The following CD59 variants were observed in gnomAD, a reference collection of about 807,000 sequenced individuals.
CD59 encodes CD59 molecule (CD59 blood group), also known as CD59 glycoprotein.
In CD59, 3 loss-of-function variants were observed where a neutral mutation model predicts 7.0. That is an observed-to-expected ratio of 0.43 (90% CI 0.19 to 1.10). The LOEUF is 1.10. Among genes scored for constraint, CD59 ranks in the 50% least tolerant of loss-of-function variants. The probability of loss-of-function intolerance (pLI) is 0.29; values close to 1 mark genes in which losing one functional copy is unlikely to be tolerated. For synonymous variants in CD59, 60 were observed against 62.0 expected, an observed-to-expected ratio of 0.97 and a Z score of 0.15; for missense variants, 143 against 151.0, an observed-to-expected ratio of 0.95 and a Z score of 0.28.
At chr11:33,733,836 T>A (rs1013825692) in intron 1 of CD59, among the ~76,000 whole-genome samples, 2 of 152,176 alleles carry the variant, frequency 1.3e-5, no homozygotes, top group Non-Finnish European at 2.9e-5. Context: ...TTCCACAAGA[T>A]TCACAGTTGC....
chr11:33,719,626 A>T (rs1487932907), intron 2 of CD59: 1 of 150,296 alleles, frequency 6.7e-6, no homozygotes, highest in Non-Finnish European at 1.5e-5. Flanking sequence ...TGTCTAAAAA[A>T]TAAATAAAAT....
In CD59 at chr11:33,703,050, A is replaced by C. The variant is rs1202073143; in HGVS notation, c.*7076T>G. ...ATTTTGCGTTATATTTTTTAAATGA[A>C]GCAATACAATCATTTTTTATGTATA... On this transcript the variant is annotated 3_prime_UTR_variant, in exon 4 of 4. Transcript: ENST00000642928. The C allele has an allele frequency of 1.3e-5, 2 of 152,352 alleles. No individual in the cohort carries two copies. The highest frequency in any genetic ancestry group is 2.9e-5 in the Non-Finnish European group (2 of 68,102). 9.4% of individuals were successfully genotyped at this position (152,352 alleles called of 1,614,324 possible). A position where few individuals can be genotyped will look rare whatever the true frequency, so the allele number is the denominator to read the frequency against.
chr11:33,720,217 G>A (rs1423495502), intron 2 of CD59, among the ~76,000 whole-genome samples: 1 of 152,196 alleles, frequency 6.6e-6, no homozygotes, highest in Non-Finnish European at 1.5e-5. Flanking sequence ...TCCCCACCTT[G>A]CAAGAGAAAA....
intron 1 of CD59, among the ~76,000 whole-genome samples, chr11:33,730,710 GTTC>G (rs1315785017): frequency 2.0e-5 from 3 of 151,956 alleles, no homozygotes; most frequent in Non-Finnish European, 1.5e-5. Context: ...ATCTCTTGCA[GTTC>G]TTGAGTATTT....
chr11:33,715,083 T>C (rs1409594372), intron 3 of CD59, among the ~76,000 whole-genome samples: 2 of 151,930 alleles, frequency 1.3e-5, no homozygotes, highest in Admixed American at 6.6e-5. Flanking sequence ...GGCTGTTTTA[T>C]AGTTAATTTT....
intron 3 of CD59, among the ~76,000 whole-genome samples, chr11:33,714,936 G>GTT (rs58642942): frequency 4.5e-5 from 6 of 131,922 alleles, no homozygotes; most frequent in Non-Finnish European, 4.9e-5. Flanking sequence ...TGCTGAGGCT[G>GTT]TTTTTTTTTT....
intron 1 of CD59, among the ~76,000 whole-genome samples, chr11:33,732,317 C>T (rs756501435): frequency 1.3e-5 from 2 of 152,238 alleles, no homozygotes; most frequent in African/African-American, 4.8e-5. Context: ...CAGCACCATC[C>T]CCCTAGTGCT....
chr11:33,716,470 G>C (rs1659569512), intron 3 of CD59, among the ~76,000 whole-genome samples: 1 of 152,140 alleles, frequency 6.6e-6, no homozygotes, highest in South Asian at 2.1e-4. Context: ...TAATCTCTTA[G>C]AAATCTAAGC....
intron 3 of CD59, 25 bp downstream of exon 3, chr11:33,717,345 G>T (rs748592607): frequency 6.8e-7 from 1 of 1,468,742 alleles, no homozygotes; most frequent in Non-Finnish European, 9.5e-7. Context: ...ATTACATTTA[G>T]GAGACAGACA....
chr11:33,729,681 T>TA (rs1361882479), intron 1 of CD59, among the ~76,000 whole-genome samples: 1 of 150,160 alleles, frequency 6.7e-6, no homozygotes, highest in Non-Finnish European at 1.5e-5. Context: ...AAAAAGAACT[T>TA]AAACCCCGTA....
In CD59 at chr11:33,736,355, CCCCAGCAGG is replaced by C. The variant is rs1451285401; in HGVS notation, c.-19+18_-19+26del. 6.6e-6 allele frequency: 1 copy of C among 152,550 alleles called. No homozygotes were observed. Among genetic ancestry groups the C allele is most frequent in the African/African-American group, 2.4e-5 (1 of 41,466 alleles). 9.4% of individuals were successfully genotyped at this position (152,550 alleles called of 1,614,324 possible). On this transcript the variant is annotated intron_variant, in intron 1 of 3. Transcript: ENST00000642928. The surrounding 1 kb of genome is among the most constrained non-coding windows in gnomAD (Gnocchi z 4.4). ...GCCACCTCGGCTCGGCTCACCCAAA[CCCCAGCAGG>C]CCTTCGGGCCTTCTTACCTGGCGGC...
chr11:33,729,200 T>C (rs1854342793), intron 1 of CD59, among the ~76,000 whole-genome samples: 1 of 152,232 alleles, frequency 6.6e-6, no homozygotes, highest in Non-Finnish European at 1.5e-5. Context: ...TAAAGACACA[T>C]GCACACGTAT....
At position 33,724,304 on chromosome 11, in the gene CD59, A is replaced by G. The variant is rs376375325; in HGVS notation, c.-18-1841T>C. Among the ~76,000 whole-genome samples the G allele has an allele frequency of 5.3e-5, 8 of 152,302 alleles. No individual in the cohort carries two copies. The South Asian group carries it at 1.4e-3, about 28-fold the overall frequency. On this transcript the variant is annotated intron_variant, in intron 1 of 3. Transcript: ENST00000642928. ...ACAACACACAGGGCCCCTGATGGGGAGCTGTTCTTTGAAGTACCTTAGAAA... is the reference window on the plus strand; with the variant it reads ...ACAACACACAGGGCCCCTGATGGGGGGCTGTTCTTTGAAGTACCTTAGAAA...
At position 33,721,814 on chromosome 11, in the gene CD59, C is replaced by T. The variant is rs190080163; in HGVS notation, c.67+565G>A. Among the ~76,000 whole-genome samples, 96 of 152,308 alleles carry T rather than the reference C, an allele frequency of 6.3e-4. 1 individual carries two copies. The highest frequency in any genetic ancestry group is 8.8e-4 in the Non-Finnish European group (60 of 68,034). ...CAAGTTATTAATTTTGGGGAGGCCT[C>T]AATCTTGTTGCTTGTAAAACAAGGA... On this transcript the variant is annotated intron_variant, in intron 2 of 3. Coordinates refer to ENST00000642928, the MANE Select transcript of CD59 (RefSeq NM_000611.6).
At chr11:33,715,209 T>C (rs987387367) in intron 3 of CD59, among the ~76,000 whole-genome samples, 18 of 152,202 alleles carry the variant, frequency 1.2e-4, no homozygotes, top group African/African-American at 4.3e-4. Flanking sequence ...AAATATCAAG[T>C]ATTATATATT....
At chr11:33,711,390 A>G (rs1853552087) in intron 3 of CD59, 1 of 701,710 alleles carries the variant, frequency 1.4e-6, no homozygotes, top group Non-Finnish European at 2.6e-6. Context: ...TAACCCAATT[A>G]AAATATGGAC....
intron 3 of CD59, among the ~76,000 whole-genome samples, chr11:33,715,245 AC>A: frequency 6.6e-6 from 1 of 152,256 alleles, no homozygotes; most frequent in East Asian, 1.9e-4. Context: ...TTTGTAATAA[AC>A]TACCAAACTG....
At chr11:33,729,206 C>T (rs918824721) in intron 1 of CD59, among the ~76,000 whole-genome samples, 2 of 152,150 alleles carry the variant, frequency 1.3e-5, no homozygotes, top group Non-Finnish European at 1.5e-5. Context: ...CACATGCACA[C>T]GTATGCTTAT....
At chr11:33,726,262 T>C (rs867550304) in intron 1 of CD59, among the ~76,000 whole-genome samples, 21 of 152,192 alleles carry the variant, frequency 1.4e-4, no homozygotes, top group South Asian at 6.2e-4. Flanking sequence ...TATTCTAAAA[T>C]TGACCACATA....
Sources: allele counts gnomAD v4.1 joint callset (sites outside exome capture counted in the v4.1 genomes callset), GRCh38; gene constraint gnomAD v4.1.1; non-coding constraint Gnocchi (gnomAD v3.1); transcripts MANE v1.5; gene names NCBI Gene and HGNC (gene_info 2026-07-23, HGNC 2026-07-21).